GET1: variants seen among roughly 807,000 people sequenced by gnomAD.
The protein encoded by GET1 is congenital heart disease 5 protein.
In GET1, 20 loss-of-function variants were observed where a neutral mutation model predicts 22.6. The observed-to-expected ratio is 0.89, with a 90% CI of 0.62 to 1.29. GET1 has a LOEUF of 1.29. Among genes scored for constraint, GET1 ranks in the 50% most tolerant of loss-of-function variants. The pLI, the probability that GET1 is intolerant of heterozygous loss-of-function variation, is 0.00. For synonymous variants in GET1, 92 were observed against 83.8 expected (o/e 1.10, Z -0.53); for missense variants, 209 against 219.9 (o/e 0.95, Z 0.31).
rs530634460 is a variant in GET1, at chr21:39,427,922, C to A, written c.*24-310C>A. ...ACCTGTTAACTAAAAACAGAACTAA[C>A]CTCACTAGTAGGCTCCAGTAGGGTA... On this transcript the variant is annotated intron_variant, in intron 1 of 1. Transcript: ENST00000478273. 4 of 268,844 alleles carry A rather than the reference C, an allele frequency of 1.5e-5. No individual in the cohort carries two copies. In the Admixed American group the frequency reaches 2.1e-4, roughly 14 times the overall value. 16.7% of individuals were successfully genotyped at this position (268,844 alleles called of 1,614,324 possible).
In GET1 at chr21:39,396,612, G is replaced by A. The variant is rs1382633144; in HGVS notation, c.452-254G>A. Among the ~76,000 whole-genome samples the A allele has an allele frequency of 4.0e-5, 6 of 151,116 alleles. 1 individual carries two copies. The highest frequency in any genetic ancestry group is 7.3e-5 in the African/African-American group (3 of 41,076). ...TGAGGCAGGAGAATCGCTTGAGCCC[G>A]GGAGGCAGAGGTGCAGTGAGCCGAG... On this transcript the variant is annotated intron_variant, in intron 4 of 4. Transcript: ENST00000649170.
At chr21:39,399,649 C>T (rs933363164), downstream of GET1, among the ~76,000 whole-genome samples, 1 of 151,998 alleles carries the variant, frequency 6.6e-6, no homozygotes, top group Non-Finnish European at 1.5e-5. Context: ...CTATGTTGGC[C>T]GGGCTGGTCT....
chr21:39,406,646 TA>T (rs1333345109), downstream of GET1: 6 of 1,478,500 alleles, frequency 4.1e-6, no homozygotes, highest in African/African-American at 1.4e-5. Context: ...TAGTGCTGTT[TA>T]AAATGAATGG....
downstream of GET1, chr21:39,410,485 A>T: frequency 1.8e-6 from 1 of 569,288 alleles, no homozygotes; most frequent in East Asian, 3.0e-5. Context: ...GTATTTTCTA[A>T]ATATTCAATA....
chr21:39,391,893 G>A (rs572891691), intron 3 of GET1, 57 bp downstream of exon 3: 2 of 1,565,790 alleles, frequency 1.3e-6, no homozygotes, highest in East Asian at 4.5e-5. Context: ...GGCCTCCAGA[G>A]CCGTGTCTGC....
rs771824508 is a variant in GET1 at position 39,420,732 on chromosome 21, C to T, written c.*24-7500C>T. On this transcript the variant is annotated intron_variant, in intron 1 of 1. Transcript: ENST00000478273. The stretch of plus-strand genomic sequence containing the variant: ...TTAAGTTTTTGTTGAAGGTGTTTTA[C>T]TTCCACCTGCAGAGTCTTGGTAGCT... The T allele has an allele frequency of 8.7e-6, 14 of 1,612,330 alleles. No individual in the cohort carries two copies. Among genetic ancestry groups the T allele is most frequent in the Middle Eastern group, 1.6e-4 (1 of 6,074 alleles).
chr21:39,382,960 T>C (rs2146905723), intron 1 of GET1, among the ~76,000 whole-genome samples: 1 of 152,138 alleles, frequency 6.6e-6, no homozygotes. Flanking sequence ...TTATTTATTT[T>C]TATTTTTTGA....
At chr21:39,409,677 C>G (rs753771703), downstream of GET1, among the ~76,000 whole-genome samples, 2 of 152,196 alleles carry the variant, frequency 1.3e-5, no homozygotes, top group Non-Finnish European at 2.9e-5. The surrounding 1 kb of genome is among the most constrained non-coding windows in gnomAD (Gnocchi z 4.2). Context: ...ACTGCAACCT[C>G]TGCCTCCTGG....
At chr21:39,410,607 T>C (rs1033293997), downstream of GET1, among the ~76,000 whole-genome samples, 17 of 152,118 alleles carry the variant, frequency 1.1e-4, no homozygotes, top group African/African-American at 3.6e-4. Flanking sequence ...GGATAAGACA[T>C]TGTTGCTGTT....
At chr21:39,392,073 A>T in intron 3 of GET1, 2 of 496,728 alleles carry the variant, frequency 4.0e-6, no homozygotes, top group South Asian at 5.0e-5. Context: ...ACTGTGAAGT[A>T]AGTTCTCGGA....
chr21:39,422,034 G>C (rs1042626322), intron 1 of GET1: 1 of 152,136 alleles, frequency 6.6e-6, no homozygotes, highest in African/African-American at 2.4e-5. Flanking sequence ...TATCACTTTG[G>C]TATACAAGAG....
At chr21:39,383,691 G>C (rs1368098351) in intron 1 of GET1, among the ~76,000 whole-genome samples, 1 of 145,974 alleles carries the variant, frequency 6.9e-6, no homozygotes, top group Non-Finnish European at 1.5e-5. Context: ...CAATTCTTCT[G>C]TCTCAGCCTT....
At chr21:39,414,732 CTCTCTCTCTCTGTGTG>C (rs2040768120) in intron 1 of GET1, among the ~76,000 whole-genome samples, 1 of 110,396 alleles carries the variant, frequency 9.1e-6, no homozygotes, top group Non-Finnish European at 1.9e-5. Context: ...CTCTCTCTCT[CTCTCTCTCTCTGTGTG>C]TGTGTGTGTG....
Position 39,391,566 on chromosome 21 carries a change from G to C in GET1, c.269-203G>C, listed in dbSNP as rs2038299310. 1.1e-5 allele frequency: 6 copies of C among 522,178 alleles called. No homozygotes were observed. The South Asian group carries it at 1.3e-4, about 11-fold the overall frequency. 32.3% of individuals were successfully genotyped at this position (522,178 alleles called of 1,614,324 possible). A position where few individuals can be genotyped will look rare whatever the true frequency, so the allele number is the denominator to read the frequency against. ...ATTAAAGCTATTCAAATCTCAATCT[G>C]AGTCGGATACTATTTTAAATAATGG... On this transcript the variant is annotated intron_variant, in intron 2 of 4. Coordinates refer to ENST00000649170, the MANE Select transcript of GET1 (RefSeq NM_004627.6).
chr21:39,421,942 G>A (rs961358356), intron 1 of GET1: 3 of 152,164 alleles, frequency 2.0e-5, no homozygotes, highest in African/African-American at 7.2e-5. Flanking sequence ...GAACAACTTA[G>A]ATACATACAT....
chr21:39,384,847 A>G (rs987091328), intron 1 of GET1, among the ~76,000 whole-genome samples: 5 of 152,024 alleles, frequency 3.3e-5, no homozygotes, highest in African/African-American at 9.7e-5. Context: ...CTCTAACCTC[A>G]ACCCAGTTAG....
At chr21:39,421,054 G>A (rs564066868) in intron 1 of GET1, among the ~76,000 whole-genome samples, 1 of 150,838 alleles carries the variant, frequency 6.6e-6, no homozygotes, top group South Asian at 2.1e-4. Context: ...AATATCACAC[G>A]TTTGGAGCCT....
chr21:39,394,790 G>A (rs2038530435), intron 4 of GET1, among the ~76,000 whole-genome samples: 1 of 152,160 alleles, frequency 6.6e-6, no homozygotes, highest in Non-Finnish European at 1.5e-5. Context: ...ATCACTGTGG[G>A]GGGTAGCATA....
chr21:39,421,683 A>G (rs1429599022), intron 1 of GET1: 3 of 152,214 alleles, frequency 2.0e-5, no homozygotes, highest in East Asian at 1.9e-4. Context: ...CTCCTCCATT[A>G]TAACAGCAGT....
Sources: gnomAD v4.1 joint callset for allele counts (sites outside exome capture counted in the v4.1 genomes callset) on GRCh38, gnomAD v4.1.1 for gene constraint, Gnocchi (gnomAD v3.1) non-coding constraint, MANE v1.5 for transcripts, NCBI Gene and HGNC (gene_info 2026-07-23, HGNC 2026-07-21) for gene names.